Variants in FNIP2 observed in about 807,000 individuals in gnomAD.
FNIP2 encodes folliculin-interacting protein 2.
FNIP2 carries 32 observed loss-of-function variants against 108.7 expected under a neutral mutation model. The ratio of observed to expected loss-of-function variants is 0.29; its 90% CI spans 0.22 to 0.40. The LOEUF (loss-of-function observed/expected upper bound fraction) is 0.40, where lower values mean the gene tolerates loss of function less well. Among genes scored for constraint, FNIP2 ranks in the 10% least tolerant of loss-of-function variants. The pLI is 1.00. For missense variants in FNIP2, 1,202 were observed against 1,381.6 expected, an observed-to-expected ratio of 0.87 and a Z score of 2.06; for synonymous variants, 480 against 496.7, an observed-to-expected ratio of 0.97 and a Z score of 0.45.
intron 14 of FNIP2, among the ~76,000 whole-genome samples, chr4:158,884,544 G>T (rs1333135230): frequency 6.6e-6 from 1 of 152,168 alleles, no homozygotes; most frequent in Admixed American, 6.5e-5. Context: ...GTCCTTGAGG[G>T]ATTGTGGACT....
At chr4:158,833,843 C>G in intron 6 of FNIP2, 1 of 1,497,200 alleles carries the variant, frequency 6.7e-7, no homozygotes, top group Non-Finnish European at 8.9e-7. Flanking sequence ...CAGGGGGTAG[C>G]TGAAGGAGGA....
chr4:158,846,721 C>T (rs1027350374), intron 7 of FNIP2, among the ~76,000 whole-genome samples: 4 of 152,120 alleles, frequency 2.6e-5, no homozygotes, highest in African/African-American at 9.7e-5. Flanking sequence ...CAAAATTTTA[C>T]GTGAAGAGGA....
intron 16 of FNIP2, among the ~76,000 whole-genome samples, chr4:158,901,218 C>T (rs1489021809): frequency 1.3e-5 from 2 of 149,726 alleles, no homozygotes; most frequent in South Asian, 2.1e-4. Flanking sequence ...CTGCAACCTC[C>T]GCCCCTCCAG....
At chr4:158,851,040 A>G (rs1455316434) in intron 7 of FNIP2, among the ~76,000 whole-genome samples, 1 of 152,174 alleles carries the variant, frequency 6.6e-6, no homozygotes, top group East Asian at 1.9e-4. Context: ...GTAGAACCTG[A>G]AATTTTAGAT....
intron 1 of FNIP2, among the ~76,000 whole-genome samples, chr4:158,799,984 C>T (rs1776708609): frequency 6.6e-6 from 1 of 152,212 alleles, no homozygotes; most frequent in African/African-American, 2.4e-5. Context: ...TACGCAGTGC[C>T]TTTTCTTGTG....
chr4:158,826,798 A>G (rs1164413616), intron 2 of FNIP2, among the ~76,000 whole-genome samples: 1 of 152,258 alleles, frequency 6.6e-6, no homozygotes, highest in Non-Finnish European at 1.5e-5. Flanking sequence ...AATTCACTTT[A>G]GACCTTTCAT....
At chr4:158,857,780 CA>C (rs35070873) in intron 8 of FNIP2, among the ~76,000 whole-genome samples, 41,627 of 136,834 alleles carry the variant, frequency 0.3, 6,326 homozygotes, top group Non-Finnish European at 0.36. Context: ...CCATCTCTAC[CA>C]AAAAAAAAAA....
At chr4:158,850,068 T>C (rs1441347841) in intron 7 of FNIP2, among the ~76,000 whole-genome samples, 1 of 152,224 alleles carries the variant, frequency 6.6e-6, no homozygotes, top group Non-Finnish European at 1.5e-5. Flanking sequence ...TATTAGTTGA[T>C]AGCAAAGTAA....
At chr4:158,856,508 C>T (rs1779992057) in intron 8 of FNIP2, among the ~76,000 whole-genome samples, 1 of 152,182 alleles carries the variant, frequency 6.6e-6, no homozygotes, top group Admixed American at 6.5e-5. Flanking sequence ...TAGCTGCAGC[C>T]TTTCCTTGAC....
intron 5 of FNIP2, among the ~76,000 whole-genome samples, chr4:158,832,339 C>T (rs558198648): frequency 6.6e-6 from 1 of 152,258 alleles, no homozygotes; most frequent in Admixed American, 6.5e-5. Flanking sequence ...GCCCTAAAGA[C>T]AAATGGCTGT....
At chr4:158,872,461 C>T in intron 14 of FNIP2, 3 of 985,402 alleles carry the variant, frequency 3.0e-6, no homozygotes, top group Non-Finnish European at 3.6e-6. Flanking sequence ...TAGCTTTTCT[C>T]ATTTCTTTAT....
rs145514625 is a variant in FNIP2, at chr4:158,804,051, G to A, written c.108-21865G>A. Among the ~76,000 whole-genome samples, 1,231 of 152,256 alleles carry A rather than the reference G, an allele frequency of 8.1e-3. 9 individuals carry two copies. The highest frequency in any genetic ancestry group is 0.014 in the Non-Finnish European group (942 of 68,016). ...CCTCCTGAGTTCAAGAGATTCTCCT[G>A]CCTCAGCCTCCGAGTAGCTGGGACT... On this transcript the variant is annotated intron_variant, in intron 1 of 16. Coordinates refer to ENST00000264433, the MANE Select transcript of FNIP2 (RefSeq NM_020840.3).
chr4:158,888,318 C>A (rs1782122880), intron 14 of FNIP2, among the ~76,000 whole-genome samples: 1 of 152,144 alleles, frequency 6.6e-6, no homozygotes. Context: ...CTTTTCTGTT[C>A]CTGGGGCCTG....
intron 14 of FNIP2, among the ~76,000 whole-genome samples, chr4:158,874,230 C>G (rs1286969072): frequency 6.6e-6 from 1 of 152,176 alleles, no homozygotes; most frequent in African/African-American, 2.4e-5. Flanking sequence ...AAGTTTGAAT[C>G]ATGGTTCACC....
rs1780142841 is a variant in FNIP2 at position 158,859,043 on chromosome 4, AT to A, written c.858-13del. 1 of 1,612,574 alleles carries A rather than the reference AT, an allele frequency of 6.2e-7. No individual in the cohort carries two copies. Among genetic ancestry groups the A allele is most frequent in the African/African-American group, 1.3e-5 (1 of 74,864 alleles). ...TGATGCATGGCAACTTTTCAAACTTATATTTCCCTCCAGGTCAACTGATGAG... is the reference window on the plus strand; with the variant it reads ...TGATGCATGGCAACTTTTCAAACTTAATTTCCCTCCAGGTCAACTGATGAG... On this transcript the variant is annotated splice_polypyrimidine_tract_variant and intron_variant, in intron 8 of 16. Coordinates refer to ENST00000264433, the MANE Select transcript of FNIP2 (RefSeq NM_020840.3).
At chr4:158,796,319 G>A (rs1224286194) in intron 1 of FNIP2, among the ~76,000 whole-genome samples, 1 of 152,174 alleles carries the variant, frequency 6.6e-6, no homozygotes, top group Non-Finnish European at 1.5e-5. Flanking sequence ...GGATTTATGA[G>A]TGGAAGAGAG....
chr4:158,872,412 T>G (rs1781003577), intron 14 of FNIP2: 4 of 985,450 alleles, frequency 4.1e-6, no homozygotes, highest in Non-Finnish European at 4.8e-6. Flanking sequence ...TTTTCGTATT[T>G]CATTTTCCCT....
At position 158,869,270 on chromosome 4, in the gene FNIP2, G is replaced by A. The variant is rs1223064586; in HGVS notation, c.2634G>A (p.Lys878=). Residue 878 remains lysine (K), a synonymous_variant, in exon 13 of 17, where the codon AAG becomes AAA. Transcript: ENST00000264433. ...ANIPCGDDNK[K]ANFRTEGDIP... Reference sequence around the variant, plus strand: ...TCCCCTGTGGGGATGACAACAAGAAGGCCAACTTCAGGACTGAAGGAGACA... The same window carrying A: ...TCCCCTGTGGGGATGACAACAAGAAAGCCAACTTCAGGACTGAAGGAGACA... 11 of 1,613,902 alleles carry A rather than the reference G, an allele frequency of 6.8e-6. No homozygotes were observed.
At chr4:158,895,410 CAAG>C (rs1406592531) in intron 15 of FNIP2, among the ~76,000 whole-genome samples, 1 of 152,048 alleles carries the variant, frequency 6.6e-6, no homozygotes, top group Non-Finnish European at 1.5e-5. Context: ...AAAATTATAT[CAAG>C]AAGTTCTTAA....
Sources: gnomAD v4.1 joint callset for allele counts (sites outside exome capture counted in the v4.1 genomes callset) on GRCh38, gnomAD v4.1.1 for gene constraint, MANE v1.5 for transcripts, NCBI Gene and HGNC (gene_info 2026-07-23, HGNC 2026-07-21) for gene names.